The following LTBP1 variants were observed in gnomAD, a reference collection of about 807,000 sequenced individuals.
The protein encoded by LTBP1 is latent transforming growth factor beta binding protein 1.
Under a neutral mutation model 207.6 loss-of-function variants are expected in LTBP1, and 129 were observed. That is an observed-to-expected ratio of 0.62 (90% CI 0.54 to 0.72). The LOEUF is 0.72. Ranked by LOEUF, LTBP1 falls within the 30% of genes least tolerant of loss-of-function variation. The pLI, the probability that LTBP1 is intolerant of heterozygous loss-of-function variation, is 0.00. For missense variants in LTBP1, 2,281 were observed against 2,217.2 expected, an observed-to-expected ratio of 1.03 and a Z score of -0.58; for synonymous variants, 963 against 833.7, an observed-to-expected ratio of 1.16 and a Z score of -2.67.
intron 3 of LTBP1, among the ~76,000 whole-genome samples, chr2:33,092,980 A>G (rs1324760336): frequency 1.3e-5 from 2 of 152,186 alleles, no homozygotes; most frequent in African/African-American, 2.4e-5. Flanking sequence ...TGTTTCAGTC[A>G]CTTATAGTTT....
intron 21 of LTBP1, 134 bp downstream of exon 21, chr2:33,300,707 C>G: frequency 2.2e-6 from 2 of 901,482 alleles, no homozygotes; most frequent in Non-Finnish European, 1.6e-6. Context: ...AAAGCCAGGA[C>G]TTAAACATAA....
chr2:33,353,176 G>A (rs1450494581), intron 26 of LTBP1, among the ~76,000 whole-genome samples: 1 of 151,808 alleles, frequency 6.6e-6, no homozygotes, highest in African/African-American at 2.4e-5. Context: ...ACAGGGTTTT[G>A]CCATGTTGAC....
intron 11 of LTBP1, among the ~76,000 whole-genome samples, chr2:33,254,576 T>G (rs1447604163): frequency 7.1e-6 from 1 of 141,482 alleles, no homozygotes; most frequent in Non-Finnish European, 1.5e-5. Flanking sequence ...TTTAGGGAGT[T>G]TGTTGTTGTT....
chr2:33,201,532 A>G (rs1267806343), intron 7 of LTBP1, among the ~76,000 whole-genome samples: 20 of 152,076 alleles, frequency 1.3e-4, no homozygotes, highest in African/African-American at 3.1e-4. Flanking sequence ...AATGCTAAAT[A>G]ACGAGTTAAT....
intron 2 of LTBP1, among the ~76,000 whole-genome samples, chr2:32,960,502 T>TGAC (rs1678925622): frequency 1.3e-5 from 2 of 152,232 alleles, no homozygotes; most frequent in Admixed American, 1.3e-4. Flanking sequence ...GGTGTTAAGA[T>TGAC]GACTTTTTCT....
chr2:32,953,601 A>G (rs1044279016), intron 2 of LTBP1, among the ~76,000 whole-genome samples: 4 of 152,164 alleles, frequency 2.6e-5, no homozygotes, highest in African/African-American at 9.7e-5. Flanking sequence ...TAACACTGTA[A>G]TAGTGCTTAA....
At chr2:32,982,132 G>A (rs1682859020) in intron 2 of LTBP1, among the ~76,000 whole-genome samples, 1 of 152,172 alleles carries the variant, frequency 6.6e-6, no homozygotes, top group Non-Finnish European at 1.5e-5. Context: ...TGACCAAAAT[G>A]CTAATAGTGA....
At position 33,315,188 on chromosome 2, in the gene LTBP1, G is replaced by A. The variant is rs377283648; in HGVS notation, c.3649G>A (p.Glu1217Lys). Reference protein sequence around the residue: ...EHPGLCGPQGECLNTEGSFHC... With the variant: ...EHPGLCGPQGKCLNTEGSFHC... ...TCCAGGGCTCTGTGGTCCGCAAGGG[G>A]AGTGCCTAAACACAGAGGGTTCTTT... is the stretch of plus-strand genomic sequence containing the variant. Residue 1217 changes from glutamate (E) to lysine (K), a missense_variant, in exon 24 of 34, where the codon GAG becomes AAG. By Grantham distance (56) the Glu-to-Lys change is moderately conservative (BLOSUM62 1). This residue lies in a region of LTBP1 where 1,671 missense variants were observed against 1,634.8 expected (regional missense o/e 1.02). Coordinates refer to ENST00000404816, the MANE Select transcript of LTBP1 (RefSeq NM_206943.4). 1.9e-6 allele frequency: 3 copies of A among 1,612,914 alleles called. No individual in the cohort carries two copies. The highest frequency in any genetic ancestry group is 1.7e-6 in the Non-Finnish European group (2 of 1,179,490).
intron 31 of LTBP1, among the ~76,000 whole-genome samples, chr2:33,381,681 C>A (rs114270925): frequency 0.032 from 4,829 of 152,296 alleles, 271 homozygotes; most frequent in African/African-American, 0.11. Context: ...GGTTATTACT[C>A]TCCCTGGAAT....
chr2:33,114,109 T>C (rs2080583466), intron 4 of LTBP1, among the ~76,000 whole-genome samples: 1 of 152,248 alleles, frequency 6.6e-6, no homozygotes, highest in South Asian at 2.1e-4. Flanking sequence ...TGCCAAGTGC[T>C]GGGATTACAG....
chr2:33,098,202 G>A lies in LTBP1; in HGVS notation c.864-12380G>A, dbSNP rs116385803. Among the ~76,000 whole-genome samples, 342 of 152,228 alleles carry A rather than the reference G, an allele frequency of 2.2e-3. 3 individuals are homozygous for A. The highest frequency in any genetic ancestry group is 7.5e-3 in the African/African-American group (312 of 41,528). On this transcript the variant is annotated intron_variant, in intron 3 of 33. Transcript: ENST00000404816. ...ATTGCCTTTTCCTCAGTACTGGTGC[G>A]GGTGGGCATTGTTTCATATATCACA...
chr2:33,300,097 C>A (rs1342633039), intron 20 of LTBP1, among the ~76,000 whole-genome samples: 1 of 152,128 alleles, frequency 6.6e-6, no homozygotes, highest in Non-Finnish European at 1.5e-5. Flanking sequence ...TTCTTTCATG[C>A]AACTAAACAG....
intron 15 of LTBP1, among the ~76,000 whole-genome samples, chr2:33,264,675 G>T (rs2093124960): frequency 6.6e-6 from 1 of 152,128 alleles, no homozygotes; most frequent in Non-Finnish European, 1.5e-5. Flanking sequence ...ACTAACCTAG[G>T]ATAATACCTT....
chr2:33,105,441 C>CTTT (rs199792865), intron 3 of LTBP1, among the ~76,000 whole-genome samples: 1 of 144,718 alleles, frequency 6.9e-6, no homozygotes, highest in African/African-American at 2.5e-5. Flanking sequence ...TGATCTTCTG[C>CTTT]TTTTTTTTTT....
At chr2:33,151,669 T>C (rs529162137) in intron 5 of LTBP1, among the ~76,000 whole-genome samples, 29 of 152,292 alleles carry the variant, frequency 1.9e-4, no homozygotes, top group African/African-American at 5.8e-4. Flanking sequence ...TATGCCTTTG[T>C]GTCCTCATAG....
At chr2:33,174,760 T>C (rs1184093852) in intron 5 of LTBP1, among the ~76,000 whole-genome samples, 1 of 152,090 alleles carries the variant, frequency 6.6e-6, no homozygotes, top group Non-Finnish European at 1.5e-5. Context: ...CAAACTATAC[T>C]ACAAGGCTAC....
chr2:33,339,137 G>C (rs1348089974), intron 24 of LTBP1, among the ~76,000 whole-genome samples: 1 of 152,052 alleles, frequency 6.6e-6, no homozygotes, highest in Non-Finnish European at 1.5e-5. Context: ...GGGAAGGACA[G>C]AGAATAGGAG....
chr2:33,334,983 G>A (rs1174165037), intron 24 of LTBP1, among the ~76,000 whole-genome samples: 4 of 151,844 alleles, frequency 2.6e-5, no homozygotes, highest in African/African-American at 9.7e-5. Flanking sequence ...AGAGGCTGAG[G>A]TAGGAGGATT....
chr2:33,313,150 A>AGAAAAT (rs1411041789), intron 23 of LTBP1, among the ~76,000 whole-genome samples: 1 of 152,254 alleles, frequency 6.6e-6, no homozygotes, highest in Non-Finnish European at 1.5e-5. Flanking sequence ...ATACATAAGT[A>AGAAAAT]GAAAATGATT....
Sources: allele counts gnomAD v4.1 joint callset (sites outside exome capture counted in the v4.1 genomes callset), GRCh38; gene constraint gnomAD v4.1.1; regional missense constraint gnomAD v4.1.1; transcripts MANE v1.5; gene names NCBI Gene and HGNC (gene_info 2026-07-23, HGNC 2026-07-21).